The following RARB variants were observed in gnomAD, a reference collection of about 807,000 sequenced individuals.
RARB encodes the protein HBV-activated protein.
Under a neutral mutation model 51.9 loss-of-function variants are expected in RARB, and 17 were observed. The ratio of observed to expected loss-of-function variants is 0.33; its 90% CI spans 0.22 to 0.49. RARB has a LOEUF of 0.49. Ranked by LOEUF, RARB falls within the 20% of genes least tolerant of loss-of-function variation. The pLI, the probability that RARB is intolerant of heterozygous loss-of-function variation, is 0.99. For missense variants in RARB, 369 were observed against 550.8 expected, an observed-to-expected ratio of 0.67 and a Z score of 3.30; for synonymous variants, 215 against 195.4, an observed-to-expected ratio of 1.10 and a Z score of -0.84.
At chr3:25,326,693 A>T (rs1704726194) in intron 5 of RARB, among the ~76,000 whole-genome samples, 1 of 152,124 alleles carries the variant, frequency 6.6e-6, no homozygotes, top group Non-Finnish European at 1.5e-5. Context: ...CAATCCCTGG[A>T]ATCTCTCCTG....
At chr3:25,445,620 T>C (rs1575410782) in intron 1 of RARB, among the ~76,000 whole-genome samples, 1 of 151,850 alleles carries the variant, frequency 6.6e-6, no homozygotes, top group Admixed American at 6.6e-5. Flanking sequence ...TGAGCCGAGG[T>C]CGCGCCACTG....
At chr3:25,252,431 A>T (rs150637578) in intron 5 of RARB, among the ~76,000 whole-genome samples, 1 of 152,190 alleles carries the variant, frequency 6.6e-6, no homozygotes, top group African/African-American at 2.4e-5. Flanking sequence ...CTGTAGATCA[A>T]TTAGGTAAAT....
rs551369280 is a variant in RARB, at chr3:25,596,519, C to G, written c.1250C>G (p.Thr417Ser). 1.7e-5 allele frequency: 28 copies of G among 1,613,348 alleles called. No homozygotes were observed. In the Admixed American group the frequency reaches 2.8e-4, roughly 16 times the overall value. ...LENSEGHEPLTPSSSGNTAEH... is the reference protein window; with the variant it reads ...LENSEGHEPLSPSSSGNTAEH... ...AATTCTGAAGGACATGAACCCTTGA[C>G]CCCAAGTTCAAGTGGGAACACAGCA... The change falls in exon 8 of 8, where the codon ACC (threonine) becomes AGC (serine). Residue 417 changes from threonine to serine, a missense_variant. By Grantham distance (58) the Thr-to-Ser change is moderately conservative (BLOSUM62 1). Around this residue, in one of 9 missense-constraint regions of RARB, gnomAD observed 54 missense variants for 43.4 expected, o/e 1.24. Coordinates refer to ENST00000330688, the MANE Select transcript of RARB (RefSeq NM_000965.5).
intron 4 of RARB, among the ~76,000 whole-genome samples, chr3:25,579,509 C>T (rs1340038028): frequency 6.6e-6 from 1 of 152,188 alleles, no homozygotes; most frequent in Non-Finnish European, 1.5e-5. Flanking sequence ...AGCATGCTTC[C>T]AAGGTTTATC....
chr3:24,906,345 C>T (rs1694863632), intron 2 of RARB, among the ~76,000 whole-genome samples: 1 of 152,034 alleles, frequency 6.6e-6, no homozygotes, highest in Non-Finnish European at 1.5e-5. Context: ...ATAGCAGATG[C>T]AGGCAGAATG....
chr3:25,378,145 G>A (rs1400960431), intron 5 of RARB, among the ~76,000 whole-genome samples: 2 of 152,180 alleles, frequency 1.3e-5, no homozygotes, highest in Admixed American at 6.5e-5. Flanking sequence ...AACCTTATTT[G>A]AAGTTGCAAA....
At chr3:25,143,131 C>G (rs894234735) in intron 4 of RARB, among the ~76,000 whole-genome samples, 4 of 152,024 alleles carry the variant, frequency 2.6e-5, no homozygotes, top group Non-Finnish European at 5.9e-5. Context: ...ATTATTTGCT[C>G]TTTTTGCCAT....
chr3:25,260,654 C>G (rs1264813397), intron 5 of RARB, among the ~76,000 whole-genome samples: 2 of 151,986 alleles, frequency 1.3e-5, no homozygotes, highest in Non-Finnish European at 2.9e-5. Flanking sequence ...GGTCCCATCT[C>G]TTTTCCTCTA....
At chr3:25,118,566 C>T (rs569345376) in intron 3 of RARB, among the ~76,000 whole-genome samples, 1 of 152,244 alleles carries the variant, frequency 6.6e-6, no homozygotes, top group South Asian at 2.1e-4. Flanking sequence ...ACTGCTGGAT[C>T]AGTAATGAGT....
chr3:25,336,085 T>C (rs1204085358), intron 5 of RARB, among the ~76,000 whole-genome samples: 1 of 150,098 alleles, frequency 6.7e-6, no homozygotes, highest in Non-Finnish European at 1.5e-5. Flanking sequence ...AAAAAAAACA[T>C]TCAAAGCATG....
intron 4 of RARB, among the ~76,000 whole-genome samples, chr3:25,574,570 G>T (rs1700845326): frequency 2.0e-5 from 3 of 152,204 alleles, no homozygotes; most frequent in Admixed American, 2.0e-4. Flanking sequence ...GGCCGCCTCT[G>T]CTCCCGGCCT....
intron 1 of RARB, among the ~76,000 whole-genome samples, chr3:25,447,012 A>G (rs1348198560): frequency 1.6e-5 from 2 of 122,186 alleles, no homozygotes; most frequent in East Asian, 5.0e-4. Context: ...CAGAGATTTA[A>G]AAAAAGAAAA....
chr3:25,582,864 A>C (rs1365609888), intron 5 of RARB, among the ~76,000 whole-genome samples: 7 of 152,204 alleles, frequency 4.6e-5, no homozygotes, highest in Non-Finnish European at 7.3e-5. Context: ...TAGAAATGCA[A>C]ATCAACAAGG....
chr3:24,968,457 T>C (rs1482436168), intron 2 of RARB, among the ~76,000 whole-genome samples: 12 of 152,138 alleles, frequency 7.9e-5, no homozygotes, highest in Admixed American at 7.9e-4. Flanking sequence ...TGGTTAATAA[T>C]TAAAATAACC....
At position 24,925,851 on chromosome 3, in the gene RARB, A is replaced by G. The variant is rs1019675246; in HGVS notation, c.-380+67099A>G. 3.3e-5 allele frequency among the ~76,000 whole-genome samples: 5 copies of G among 151,742 alleles called. No individual in the cohort carries two copies. In the East Asian group the frequency reaches 9.7e-4, roughly 30 times the overall value. ...CAAGTTATTCTATAATCTCATCCCA[A>G]TTTTCTCAACCTTCCCATTTGTGGG... is the stretch of plus-strand genomic sequence containing the variant. On this transcript the variant is annotated intron_variant, in intron 2 of 11. Coordinates refer to the RARB transcript ENST00000383772.
rs75798735 is a variant in RARB at position 25,190,462 on chromosome 3, G to T, written c.178+15887G>T. The stretch of plus-strand genomic sequence containing the variant: ...TAAAGTATTTCTAATCTTACTGTGG[G>T]TCTTGCATTATAGAGCACTCCAGGA... On this transcript the variant is annotated intron_variant, in intron 5 of 11. Transcript: ENST00000383772. Among the ~76,000 whole-genome samples, 334 of 152,138 alleles carry T rather than the reference G, an allele frequency of 2.2e-3. 2 individuals carry two copies. The highest frequency in any genetic ancestry group is 0.02 in the East Asian group (103 of 5,154).
At chr3:25,509,505 AGT>A in intron 3 of RARB, among the ~76,000 whole-genome samples, 2 of 152,266 alleles carry the variant, frequency 1.3e-5, no homozygotes, top group Non-Finnish European at 2.9e-5. Context: ...ACAGCTTAGA[AGT>A]GCAGCTCCAA....
At chr3:25,008,108 G>A (rs1178571102) in intron 2 of RARB, among the ~76,000 whole-genome samples, 3 of 152,130 alleles carry the variant, frequency 2.0e-5, no homozygotes, top group Admixed American at 6.5e-5. Context: ...TGTAGCTCTT[G>A]TAATAGGTAA....
intron 1 of RARB, among the ~76,000 whole-genome samples, chr3:24,836,557 G>A (rs1375876241): frequency 1.3e-5 from 2 of 152,078 alleles, no homozygotes; most frequent in Admixed American, 1.3e-4. Context: ...TCCTCCAAAT[G>A]GCTTCCCATC....
Sources: gnomAD v4.1 joint callset for allele counts (sites outside exome capture counted in the v4.1 genomes callset) on GRCh38, gnomAD v4.1.1 for gene constraint, gnomAD v4.1.1 regional missense constraint, MANE v1.5 for transcripts, NCBI Gene and HGNC (gene_info 2026-07-23, HGNC 2026-07-21) for gene names.